The following ATRNL1 variants were observed in gnomAD, a reference collection of about 807,000 sequenced individuals.
ATRNL1 encodes attractin-like protein 1.
ATRNL1 carries 95 observed loss-of-function variants against 182.7 expected under a neutral mutation model. The ratio of observed to expected loss-of-function variants is 0.52; its 90% CI spans 0.44 to 0.62. The LOEUF is 0.62. Ranked by LOEUF, ATRNL1 falls within the 20% of genes least tolerant of loss-of-function variation. ATRNL1 has a pLI of 0.00. For missense variants in ATRNL1, 1,471 were observed against 1,679.5 expected (o/e 0.88, Z 2.17); for synonymous variants, 576 against 568.3 (o/e 1.01, Z -0.19).
chr10:115,222,834 G>A (rs1458020039), intron 9 of ATRNL1, among the ~76,000 whole-genome samples: 7 of 152,142 alleles, frequency 4.6e-5, no homozygotes, highest in African/African-American at 1.7e-4. Flanking sequence ...AATGATCCCA[G>A]ATACTGGATG....
intron 21 of ATRNL1, 21 bp from the exon 22 acceptor site, chr10:115,461,920 T>C (rs1310943883): frequency 4.5e-6 from 7 of 1,569,138 alleles, no homozygotes; most frequent in Non-Finnish European, 6.1e-6. Context: ...ATCAGGATTG[T>C]ACTTTTTTTC....
intron 19 of ATRNL1, among the ~76,000 whole-genome samples, chr10:115,370,720 C>T (rs558351984): frequency 2.0e-5 from 3 of 152,268 alleles, no homozygotes; most frequent in South Asian, 4.1e-4. Flanking sequence ...AAATGTGCAG[C>T]CTGACAATAT....
At position 115,944,928 on chromosome 10, in the gene ATRNL1, G is replaced by T. The variant is rs1191241991; in HGVS notation, c.*149G>T. The T allele has an allele frequency of 1.1e-6, 1 of 918,648 alleles. No individual in the cohort carries two copies. The allele number at this position is 918,648 out of a possible 1,614,324, so 56.9% of individuals were successfully genotyped here. On this transcript the variant is annotated 3_prime_UTR_variant, in exon 29 of 29. Transcript: ENST00000355044. ...CTTCCAAATGGACAATGACCCAGGT[G>T]GCCAAAGAATGTTCATGAGTTTTAT...
At position 115,660,110 on chromosome 10, in the gene ATRNL1, G is replaced by A. The variant is rs547559100; in HGVS notation, c.3796-67138G>A. ...AAGAATGGAGGGAGGGAGACTGTAT[G>A]TATGGTCATGATAGGGGGACGAACC... On this transcript the variant is annotated intron_variant, in intron 26 of 28. Transcript: ENST00000355044. 2.0e-5 allele frequency among the ~76,000 whole-genome samples: 3 copies of A among 152,280 alleles called. No individual in the cohort carries two copies. In the East Asian group the frequency reaches 5.8e-4, roughly 29 times the overall value.
chr10:115,746,170 C>T (rs1555069126), intron 27 of ATRNL1, among the ~76,000 whole-genome samples: 1 of 152,088 alleles, frequency 6.6e-6, no homozygotes, highest in African/African-American at 2.4e-5. Context: ...TTTATGCTCT[C>T]TCACCCCGAA....
At chr10:115,919,968 T>C (rs1022526756) in intron 28 of ATRNL1, among the ~76,000 whole-genome samples, 4 of 152,144 alleles carry the variant, frequency 2.6e-5, no homozygotes, top group Non-Finnish European at 5.9e-5. Flanking sequence ...TATCATCACA[T>C]TGTGGGCTAA....
At chr10:115,464,586 T>G (rs2134544349) in intron 22 of ATRNL1, among the ~76,000 whole-genome samples, 1 of 152,076 alleles carries the variant, frequency 6.6e-6, no homozygotes, top group Non-Finnish European at 1.5e-5. Flanking sequence ...CAGCATTGCC[T>G]AAACTTGGAA....
chr10:115,638,557 G>C (rs1555029109), intron 26 of ATRNL1, among the ~76,000 whole-genome samples: 1 of 152,204 alleles, frequency 6.6e-6, no homozygotes, highest in Non-Finnish European at 1.5e-5. Context: ...AGTAGGGAAT[G>C]AGTAGTGACT....
At chr10:115,804,258 A>G (rs1211452859) in intron 27 of ATRNL1, among the ~76,000 whole-genome samples, 1 of 152,186 alleles carries the variant, frequency 6.6e-6, no homozygotes, top group Non-Finnish European at 1.5e-5. Context: ...TATTTGACTA[A>G]CATCTCCCCA....
chr10:115,429,289 A>G (rs1408811956), intron 21 of ATRNL1, among the ~76,000 whole-genome samples: 2 of 152,124 alleles, frequency 1.3e-5, no homozygotes, highest in Non-Finnish European at 2.9e-5. Flanking sequence ...GTGAACGCTT[A>G]CTAAATTCTG....
intron 8 of ATRNL1, among the ~76,000 whole-genome samples, chr10:115,195,274 T>G (rs1362268067): frequency 1.3e-5 from 2 of 152,154 alleles, no homozygotes; most frequent in Non-Finnish European, 2.9e-5. Flanking sequence ...CTTTTAACAT[T>G]TCTTATAAGA....
At chr10:115,832,291 G>A (rs1950577712) in intron 27 of ATRNL1, among the ~76,000 whole-genome samples, 1 of 152,114 alleles carries the variant, frequency 6.6e-6, no homozygotes, top group African/African-American at 2.4e-5. Flanking sequence ...CTGCCTTGTG[G>A]GCCTCATCTT....
intron 26 of ATRNL1, among the ~76,000 whole-genome samples, chr10:115,599,407 CAGTT>C (rs1856464719): frequency 6.6e-6 from 1 of 152,124 alleles, no homozygotes; most frequent in African/African-American, 2.4e-5. Context: ...TTCCAGGAGA[CAGTT>C]AATTAGTTAC....
intron 18 of ATRNL1, among the ~76,000 whole-genome samples, chr10:115,322,068 A>T (rs1854610755): frequency 6.6e-6 from 1 of 151,810 alleles, no homozygotes; most frequent in Non-Finnish European, 1.5e-5. Flanking sequence ...GAGATGAAAG[A>T]CCTAGAAACT....
chr10:115,917,039 G>A (rs1475869216), intron 28 of ATRNL1, among the ~76,000 whole-genome samples: 4 of 152,144 alleles, frequency 2.6e-5, no homozygotes, highest in Middle Eastern at 3.2e-3. Context: ...CTTACAGGTC[G>A]TACAGTCCAA....
At chr10:115,728,164 A>G (rs552102357) in intron 27 of ATRNL1, among the ~76,000 whole-genome samples, 13 of 149,330 alleles carry the variant, frequency 8.7e-5, no homozygotes, top group Non-Finnish European at 1.6e-4. Context: ...GCGTGGTGGC[A>G]GGCACCTGTG....
chr10:115,730,253 C>CAAAAAAAAA (rs535690432), intron 27 of ATRNL1, among the ~76,000 whole-genome samples: 2 of 61,418 alleles, frequency 3.3e-5, no homozygotes, highest in Non-Finnish European at 5.7e-5. Context: ...TAGGACTCCT[C>CAAAAAAAAA]AAAAAAAAAA....
chr10:115,259,896 T>G (rs1554908319), intron 10 of ATRNL1, among the ~76,000 whole-genome samples: 1 of 152,188 alleles, frequency 6.6e-6, no homozygotes, highest in African/African-American at 2.4e-5. Context: ...TTCTAGGGAT[T>G]GTAAGAGTAT....
chr10:115,834,820 C>T (rs1484846108), intron 27 of ATRNL1, among the ~76,000 whole-genome samples: 3 of 152,094 alleles, frequency 2.0e-5, no homozygotes, highest in African/African-American at 7.2e-5. Flanking sequence ...GTGATAGGGA[C>T]CAATATTTAT....
Sources: allele counts gnomAD v4.1 joint callset (sites outside exome capture counted in the v4.1 genomes callset), GRCh38; gene constraint gnomAD v4.1.1; transcripts MANE v1.5; gene names NCBI Gene and HGNC (gene_info 2026-07-23, HGNC 2026-07-21).